FER: variants seen among roughly 807,000 people sequenced by gnomAD.
FER encodes the protein FER tyrosine kinase, also known as tyrosine-protein kinase Fer.
Under a neutral mutation model 111.0 loss-of-function variants are expected in FER, and 63 were observed. The observed-to-expected ratio is 0.57, with a 90% CI of 0.46 to 0.70. FER has a LOEUF of 0.70. FER is among the 30% of genes least tolerant of loss of function. The pLI, the probability that FER is intolerant of heterozygous loss-of-function variation, is 0.00. For missense variants in FER, 914 were observed against 954.0 expected (o/e 0.96, Z 0.55); for synonymous variants, 327 against 313.9 (o/e 1.04, Z -0.44).
In FER at chr5:108,954,877, T is replaced by C; in HGVS notation, c.1478T>C (p.Val493Ala). 6.2e-7 allele frequency: 1 copy of C among 1,611,500 alleles called. No homozygotes were observed. The highest frequency in any genetic ancestry group is 8.5e-7 in the Non-Finnish European group (1 of 1,178,996). ...RESHGKPGEY[V>A]LSVYSDGQRR... ...AGTCATGGGAAACCTGGTGAATATG[T>C]CCTTTCTGTATATTCTGATGGACAG... is the stretch of plus-strand genomic sequence containing the variant. Residue 493 changes from valine to alanine, a missense_variant, in exon 12 of 20, where the codon GTC (valine) becomes GCC (alanine). Val to Ala is a moderately conservative substitution (Grantham distance 64). Transcript: ENST00000281092.
intron 10 of FER, among the ~76,000 whole-genome samples, chr5:108,933,704 A>G (rs2149589814): frequency 6.6e-6 from 1 of 152,260 alleles, no homozygotes; most frequent in Middle Eastern, 3.4e-3. Flanking sequence ...CAGTATGAAC[A>G]TTTTTACGAT....
At chr5:109,046,538 T>G (rs1157336344) in intron 15 of FER, among the ~76,000 whole-genome samples, 2 of 152,082 alleles carry the variant, frequency 1.3e-5, no homozygotes, top group African/African-American at 2.4e-5. Flanking sequence ...AAAAGAATAT[T>G]AAATTAAGGA....
At chr5:108,900,921 C>G (rs935328353) in intron 10 of FER, among the ~76,000 whole-genome samples, 1 of 152,160 alleles carries the variant, frequency 6.6e-6, no homozygotes, top group Non-Finnish European at 1.5e-5. Flanking sequence ...AACGTTTGCT[C>G]TCTCCAAAAC....
intron 13 of FER, among the ~76,000 whole-genome samples, chr5:109,011,174 G>C (rs1766214571): frequency 6.6e-6 from 1 of 151,782 alleles, no homozygotes; most frequent in African/African-American, 2.4e-5. Context: ...TATATAATCA[G>C]CTTCTTTTGA....
Position 109,185,881 on chromosome 5 carries a change from A to T in FER, c.2204-319A>T, listed in dbSNP as rs146986959. Among the ~76,000 whole-genome samples, 366 of 152,350 alleles carry T rather than the reference A, an allele frequency of 2.4e-3. 1 individual carries two copies. The highest frequency in any genetic ancestry group is 8.1e-3 in the African/African-American group (338 of 41,584). The stretch of plus-strand genomic sequence containing the variant: ...TCATAGGGTATACTTACAGAAACCA[A>T]GTACACATCTAGGCTACAAACCTAT... On this transcript the variant is annotated intron_variant, in intron 18 of 19. Coordinates refer to ENST00000281092, the MANE Select transcript of FER (RefSeq NM_005246.4).
intron 3 of FER, among the ~76,000 whole-genome samples, chr5:108,824,921 T>C (rs1759291639): frequency 6.7e-6 from 1 of 148,378 alleles, no homozygotes; most frequent in African/African-American, 2.6e-5. Flanking sequence ...GGGGGAGACA[T>C]CACACATTGG....
rs1409928598 is a variant in FER at position 108,885,583 on chromosome 5, T to A, written c.1046+2065T>A. Among the ~76,000 whole-genome samples, 5 of 151,846 alleles carry A rather than the reference T, an allele frequency of 3.3e-5. No homozygotes were observed. In the East Asian group the frequency reaches 7.7e-4, roughly 23 times the overall value. On this transcript the variant is annotated intron_variant, in intron 9 of 19. Transcript: ENST00000281092. ...CTCTTTTCCAGACTGCAGACTGCTG[T>A]CTTCTCATTGTATCCTCACATGGCA...
At chr5:108,769,201 G>C (rs971021885) in intron 2 of FER, among the ~76,000 whole-genome samples, 2 of 152,168 alleles carry the variant, frequency 1.3e-5, no homozygotes, top group African/African-American at 4.8e-5. Context: ...ACTTTAGATA[G>C]GGTCATATAA....
intron 2 of FER, among the ~76,000 whole-genome samples, chr5:108,794,743 A>C (rs1454622287): frequency 1.3e-5 from 2 of 152,050 alleles, no homozygotes; most frequent in Admixed American, 1.3e-4. Context: ...TCCACTGAAA[A>C]GGCTGCTGCC....
At chr5:109,004,123 C>T (rs894719613) in intron 13 of FER, among the ~76,000 whole-genome samples, 2 of 152,154 alleles carry the variant, frequency 1.3e-5, no homozygotes, top group Non-Finnish European at 2.9e-5. Flanking sequence ...ATGTAAATCC[C>T]TACAACTTTT....
At chr5:109,018,679 A>G (rs1767517692) in intron 13 of FER, among the ~76,000 whole-genome samples, 1 of 151,808 alleles carries the variant, frequency 6.6e-6, no homozygotes, top group African/African-American at 2.4e-5. Context: ...ATATATGTAA[A>G]CATTACAGTG....
At chr5:109,105,932 C>A (rs1748862104) in intron 17 of FER, among the ~76,000 whole-genome samples, 1 of 152,190 alleles carries the variant, frequency 6.6e-6, no homozygotes, top group African/African-American at 2.4e-5. Context: ...AATGAACCTT[C>A]AAAACAATAG....
At chr5:108,972,524 G>A (rs947699988) in intron 13 of FER, among the ~76,000 whole-genome samples, 1 of 152,122 alleles carries the variant, frequency 6.6e-6, no homozygotes, top group African/African-American at 2.4e-5. Flanking sequence ...GATCTTTGAA[G>A]TAGTTATGGC....
intron 13 of FER, among the ~76,000 whole-genome samples, chr5:109,013,910 C>T (rs1210818247): frequency 1.3e-5 from 2 of 151,940 alleles, no homozygotes; most frequent in Non-Finnish European, 2.9e-5. Flanking sequence ...ATGTCCTTCT[C>T]CCACTTTTTG....
intron 13 of FER, among the ~76,000 whole-genome samples, chr5:108,961,706 A>G (rs918882241): frequency 1.2e-4 from 18 of 152,194 alleles, no homozygotes; most frequent in Non-Finnish European, 1.3e-4. Flanking sequence ...TTGCTCTTTT[A>G]AAAGAAAATC....
chr5:109,141,170 C>G (rs538869277), intron 17 of FER, among the ~76,000 whole-genome samples: 1 of 152,022 alleles, frequency 6.6e-6, no homozygotes, highest in Non-Finnish European at 1.5e-5. Context: ...CTAGGGAGGG[C>G]CTTTTTCAGG....
In FER at chr5:109,090,325, A is replaced by G. The variant is rs537050009; in HGVS notation, c.1925-10071A>G. 2.6e-5 allele frequency among the ~76,000 whole-genome samples: 4 copies of G among 152,298 alleles called. No homozygotes were observed. The South Asian group carries it at 8.3e-4, about 32-fold the overall frequency. The stretch of plus-strand genomic sequence containing the variant: ...CCAAAAAGAGTTCAGAGATTCCCCA[A>G]ATATCTAGCTGGACTAAATGGTGTA... On this transcript the variant is annotated intron_variant, in intron 16 of 19. Transcript: ENST00000281092.
chr5:108,958,399 C>T (rs1319379582), intron 12 of FER, among the ~76,000 whole-genome samples: 1 of 151,734 alleles, frequency 6.6e-6, no homozygotes, highest in Non-Finnish European at 1.5e-5. Flanking sequence ...TGTTACATTG[C>T]ATTGCAATGC....
In FER at chr5:109,192,294, A is replaced by C. The variant is rs1759437717; in HGVS notation, c.*4719A>C. ...ACAGAGTGTGGAAAAATTAAAGTGAAACAAAGATTTGGACAGTGTCATTAG... is the reference window on the plus strand; with the variant it reads ...ACAGAGTGTGGAAAAATTAAAGTGACACAAAGATTTGGACAGTGTCATTAG... On this transcript the variant is annotated 3_prime_UTR_variant, in exon 20 of 20. Coordinates refer to ENST00000281092, the MANE Select transcript of FER (RefSeq NM_005246.4). The C allele has an allele frequency of 6.6e-6, 1 of 152,188 alleles. No homozygotes were observed. The allele number at this position is 152,188 out of a possible 1,614,324, so 9.4% of individuals were successfully genotyped here. A position where few individuals can be genotyped will look rare whatever the true frequency, so the allele number is the denominator to read the frequency against.
Sources: allele counts gnomAD v4.1 joint callset (sites outside exome capture counted in the v4.1 genomes callset), GRCh38; gene constraint gnomAD v4.1.1; transcripts MANE v1.5; gene names NCBI Gene and HGNC (gene_info 2026-07-23, HGNC 2026-07-21).